The following SNX8 variants were observed in gnomAD, a reference collection of about 807,000 sequenced individuals.
SNX8 encodes the protein sorting nexin-8.
SNX8 carries 25 observed loss-of-function variants against 51.6 expected under a neutral mutation model. The ratio of observed to expected loss-of-function variants is 0.48; its 90% CI spans 0.35 to 0.68. The LOEUF (loss-of-function observed/expected upper bound fraction) is 0.68. SNX8 is among the 30% of genes least tolerant of loss of function. SNX8 has a pLI of 0.00. For missense variants in SNX8, 695 were observed against 624.0 expected, an observed-to-expected ratio of 1.11 and a Z score of -1.21; for synonymous variants, 324 against 277.0, an observed-to-expected ratio of 1.17 and a Z score of -1.68.
In SNX8 at chr7:2,319,500, T is replaced by C. The variant is rs375792226; in HGVS notation, c.-66+34722A>G. On this transcript the variant is annotated intron_variant, in intron 1 of 5. Transcript: ENST00000435336. ...CCATGGCCAACATGGTAAAACCCCA[T>C]CTCTACTAAAAATACAAAAATTAGC... Among the ~76,000 whole-genome samples, 54 of 142,268 alleles carry C rather than the reference T, an allele frequency of 3.8e-4. 1 individual carries two copies. The South Asian group carries it at 8.5e-3, about 23-fold the overall frequency. The allele number at this position is 142,268 out of a possible 152,430, so 93.3% of individuals were successfully genotyped here.
At chr7:2,341,175 A>G (rs557750769) in intron 1 of SNX8, among the ~76,000 whole-genome samples, 31 of 151,876 alleles carry the variant, frequency 2.0e-4, no homozygotes, top group African/African-American at 7.5e-4. Flanking sequence ...TTAAAAAAAA[A>G]AAAAGAAAAG....
intron 7 of SNX8, among the ~76,000 whole-genome samples, chr7:2,261,327 G>C (rs923979247): frequency 1.3e-5 from 2 of 152,222 alleles, no homozygotes; most frequent in African/African-American, 4.8e-5. Flanking sequence ...CAGCTACTGG[G>C]GAGGCTGAGG....
intron 1 of SNX8, among the ~76,000 whole-genome samples, chr7:2,310,938 G>T (rs1246297871): frequency 6.6e-6 from 1 of 152,128 alleles, no homozygotes; most frequent in Admixed American, 6.6e-5. Context: ...GAGAACAATG[G>T]TCACCTCTCA....
At chr7:2,317,000 C>T, upstream of SNX8, among the ~76,000 whole-genome samples, 1 of 152,244 alleles carries the variant, frequency 6.6e-6, no homozygotes, top group East Asian at 1.9e-4. Context: ...CAAGGCTGTG[C>T]AACACACCGC....
At chr7:2,311,800 G>A (rs1428701331) in intron 1 of SNX8, among the ~76,000 whole-genome samples, 1 of 151,686 alleles carries the variant, frequency 6.6e-6, no homozygotes, top group African/African-American at 2.4e-5. Context: ...AGCCGGGCGT[G>A]GTGGCGGGCG....
chr7:2,350,777 G>A (rs779022542), intron 1 of SNX8, among the ~76,000 whole-genome samples: 15 of 152,070 alleles, frequency 9.9e-5, no homozygotes, highest in Non-Finnish European at 2.2e-4. Flanking sequence ...CTCCTGAGTA[G>A]CTGGGATTAC....
chr7:2,283,276 G>GGGTC (rs1420474777), intron 1 of SNX8, among the ~76,000 whole-genome samples: 2 of 152,246 alleles, frequency 1.3e-5, no homozygotes, highest in Non-Finnish European at 2.9e-5. Context: ...AGACACTGGA[G>GGGTC]GGTCCCAAGC....
chr7:2,285,037 C>T (rs1038405398), intron 1 of SNX8, among the ~76,000 whole-genome samples: 1 of 151,876 alleles, frequency 6.6e-6, no homozygotes, highest in Non-Finnish European at 1.5e-5. Flanking sequence ...ACGATGAAAC[C>T]TCATCTCTTC....
chr7:2,314,462 G>GGCCGCGCAGCCCT, upstream of SNX8: 2 of 1,196,948 alleles, frequency 1.7e-6, no homozygotes, highest in Non-Finnish European at 2.1e-6. Flanking sequence ...CGCGCCACCC[G>GGCCGCGCAGCCCT]GCCGCGCAGC....
chr7:2,317,690 C>T (rs1206967526), upstream of SNX8, among the ~76,000 whole-genome samples: 2 of 152,076 alleles, frequency 1.3e-5, no homozygotes, highest in Non-Finnish European at 2.9e-5. Context: ...AAGGTAGTTA[C>T]TTCCTCTGGC....
At chr7:2,301,597 T>C (rs896280383) in intron 1 of SNX8, among the ~76,000 whole-genome samples, 5 of 152,118 alleles carry the variant, frequency 3.3e-5, no homozygotes, top group African/African-American at 1.2e-4. Flanking sequence ...TAAGGGGTGA[T>C]TTATGCAGAA....
At chr7:2,277,242 G>T (rs1050594917) in intron 2 of SNX8, among the ~76,000 whole-genome samples, 3 of 152,212 alleles carry the variant, frequency 2.0e-5, no homozygotes, top group African/African-American at 7.2e-5. Flanking sequence ...AGAGAGCCAC[G>T]GTGTTGCTCC....
At chr7:2,353,645 A>T (rs1779217921) in intron 1 of SNX8, among the ~76,000 whole-genome samples, 1 of 152,162 alleles carries the variant, frequency 6.6e-6, no homozygotes, top group African/African-American at 2.4e-5. Context: ...ACCATGTTGT[A>T]CCATCACCAC....
At chr7:2,299,194 C>T (rs1270367883) in intron 1 of SNX8, among the ~76,000 whole-genome samples, 1 of 151,984 alleles carries the variant, frequency 6.6e-6, no homozygotes, top group Non-Finnish European at 1.5e-5. Flanking sequence ...GGCCATCCAT[C>T]GCTGAGACCC....
intron 1 of SNX8, among the ~76,000 whole-genome samples, chr7:2,321,777 T>C (rs370416506): frequency 9.6e-4 from 133 of 138,510 alleles, no homozygotes; most frequent in Non-Finnish European, 1.7e-3. Context: ...AGTGCAATGT[T>C]GCGATCTCGG....
At chr7:2,281,571 C>G (rs1795907192) in intron 1 of SNX8, among the ~76,000 whole-genome samples, 1 of 152,130 alleles carries the variant, frequency 6.6e-6, no homozygotes, top group Non-Finnish European at 1.5e-5. Context: ...AACTTCAATA[C>G]TCTATCAAAC....
intron 4 of SNX8, among the ~76,000 whole-genome samples, chr7:2,270,382 A>G (rs1428008585): frequency 1.4e-5 from 2 of 147,686 alleles, no homozygotes; most frequent in Admixed American, 6.9e-5. Flanking sequence ...AGTCCCAGCT[A>G]CTCAGAGCCT....
chr7:2,267,442 T>C (rs78720664), intron 5 of SNX8, among the ~76,000 whole-genome samples: 24,442 of 125,176 alleles, frequency 0.2, 2,895 homozygotes, highest in Middle Eastern at 0.38. Context: ...CCTGCCTCAG[T>C]CTGCCGAATG....
chr7:2,350,803 C>T (rs180746201), intron 1 of SNX8, among the ~76,000 whole-genome samples: 16 of 152,062 alleles, frequency 1.1e-4, no homozygotes, highest in African/African-American at 3.9e-4. Context: ...CCTGCGGCCA[C>T]ACCCGGCTAA....
Sources: gnomAD v4.1 joint callset for allele counts (sites outside exome capture counted in the v4.1 genomes callset) on GRCh38, gnomAD v4.1.1 for gene constraint, MANE v1.5 for transcripts, NCBI Gene and HGNC (gene_info 2026-07-23, HGNC 2026-07-21) for gene names.